Variants in ZBTB5 observed in about 807,000 individuals in gnomAD.
The protein encoded by ZBTB5 is zinc finger and BTB domain-containing protein 5.
ZBTB5 carries 15 observed loss-of-function variants against 37.9 expected under a neutral mutation model. The ratio of observed to expected loss-of-function variants is 0.40; its 90% confidence interval spans 0.26 to 0.61. The LOEUF (loss-of-function observed/expected upper bound fraction) is 0.61, where lower values mean the gene tolerates loss of function less well. Ranked by LOEUF, ZBTB5 falls within the 20% of genes least tolerant of loss-of-function variation. The pLI is 0.47. For missense variants in ZBTB5, 708 were observed against 856.8 expected (o/e 0.83, Z 2.17); for synonymous variants, 315 against 312.4 (o/e 1.01, Z -0.09).
In ZBTB5 at chr9:37,440,626, G is replaced by A. The variant is rs1474865646; in HGVS notation, c.1926C>T (p.Ala642=). 6.2e-7 allele frequency: 1 copy of A among 1,614,250 alleles called. No homozygotes were observed. The highest frequency in any genetic ancestry group is 1.1e-5 in the South Asian group (1 of 91,084). Residue 642 remains alanine, a synonymous_variant, in exon 2 of 2, where the codon GCC becomes GCT. Transcript: ENST00000307750. ...IRVHTGEKPY[A]CLKCGKRFSQ... is the part of the protein sequence containing the mutation. ...TAAACCTCTTGCCACACTTCAGGCAGGCGTAAGGCTTTTCACCTGTGTGAA... is the reference window on the plus strand; with the variant it reads ...TAAACCTCTTGCCACACTTCAGGCAAGCGTAAGGCTTTTCACCTGTGTGAA...
chr9:37,453,529 C>A (rs1302798648), intron 1 of ZBTB5, among the ~76,000 whole-genome samples: 4 of 152,162 alleles, frequency 2.6e-5, no homozygotes, highest in African/African-American at 9.7e-5. Flanking sequence ...AACTTTTTTA[C>A]CATTTCCCCA....
At chr9:37,449,473 A>C (rs1333631397) in intron 1 of ZBTB5, among the ~76,000 whole-genome samples, 1 of 152,098 alleles carries the variant, frequency 6.6e-6, no homozygotes, top group Non-Finnish European at 1.5e-5. Flanking sequence ...CCAGGTGGGC[A>C]GATCACTTGA....
chr9:37,451,900 A>G (rs181788289), intron 1 of ZBTB5, among the ~76,000 whole-genome samples: 1 of 152,126 alleles, frequency 6.6e-6, no homozygotes, highest in Admixed American at 6.5e-5. Flanking sequence ...TCAGAAATGC[A>G]AAAGCCTGAA....
At chr9:37,449,188 C>A (rs895376337) in intron 1 of ZBTB5, among the ~76,000 whole-genome samples, 2 of 152,100 alleles carry the variant, frequency 1.3e-5, no homozygotes, top group African/African-American at 4.8e-5. Context: ...AGTTCAAGAC[C>A]AGCCTGGGCA....
At chr9:37,448,405 AG>A (rs1012695420) in intron 1 of ZBTB5, among the ~76,000 whole-genome samples, 1 of 152,194 alleles carries the variant, frequency 6.6e-6, no homozygotes, top group East Asian at 1.9e-4. Flanking sequence ...CCAAATGTGA[AG>A]GGGGGAAGGG....
chr9:37,455,557 C>G (rs1824171617), intron 1 of ZBTB5, among the ~76,000 whole-genome samples: 1 of 152,324 alleles, frequency 6.6e-6, no homozygotes, highest in African/African-American at 2.4e-5. Context: ...GGCACCCACC[C>G]CTAGATGCCA....
rs766611197 is a variant in ZBTB5 at position 37,442,024 on chromosome 9, G to T, written c.528C>A (p.Arg176=). The T allele has an allele frequency of 3.1e-5, 50 of 1,613,736 alleles. No homozygotes were observed. The highest frequency in any genetic ancestry group is 3.7e-5 in the Non-Finnish European group (44 of 1,180,048). ...EQPAPMSSSM[R]SNLDQRTPFP... is the part of the protein sequence containing the mutation. ...AGGGCGTGCGCTGATCCAGGTTACT[G>T]CGCATGGAAGAGCTCATGGGGGCTG... is the stretch of plus-strand genomic sequence containing the variant. Residue 176 remains arginine (R), a synonymous_variant, in exon 2 of 2, where the codon CGC becomes CGA. Transcript: ENST00000307750.
intron 1 of ZBTB5, among the ~76,000 whole-genome samples, chr9:37,454,420 T>G (rs926033418): frequency 6.6e-6 from 1 of 152,158 alleles, no homozygotes; most frequent in African/African-American, 2.4e-5. Flanking sequence ...TGTGACAATA[T>G]GAGTCAACAT....
chr9:37,451,504 G>C (rs1824102878), intron 1 of ZBTB5, among the ~76,000 whole-genome samples: 1 of 139,800 alleles, frequency 7.2e-6, no homozygotes, highest in Non-Finnish European at 1.5e-5. Context: ...ATTGCACTGA[G>C]CCAAGGTAGT....
At chr9:37,457,701 A>C (rs1170804418) in intron 1 of ZBTB5, among the ~76,000 whole-genome samples, 1 of 152,244 alleles carries the variant, frequency 6.6e-6, no homozygotes, top group Non-Finnish European at 1.5e-5. Context: ...AGAACCTCTC[A>C]ATGGTTTGGA....
In ZBTB5 at chr9:37,441,260, ATAT is replaced by A. The variant is rs780115977; in HGVS notation, c.1289_1291del (p.Asn430del). The A allele has an allele frequency of 2.2e-5, 35 of 1,614,056 alleles. No individual in the cohort carries two copies. The Admixed American group carries it at 5.8e-4, about 27-fold the overall frequency. ...CCTGCAGTCACTAGTGGTGTTTGGA[ATAT>A]TATCATCATTGTTCTGATTTGCAGT... On this transcript the variant is annotated inframe_deletion, in exon 2 of 2. Transcript: ENST00000307750.
chr9:37,464,323 A>G (rs887118511), intron 1 of ZBTB5, among the ~76,000 whole-genome samples: 1 of 152,228 alleles, frequency 6.6e-6, no homozygotes, highest in Non-Finnish European at 1.5e-5. Flanking sequence ...TTTTGCTTCA[A>G]TTTTTGAAGG....
chr9:37,444,645 G>A (rs1823944135), intron 1 of ZBTB5, among the ~76,000 whole-genome samples: 1 of 152,212 alleles, frequency 6.6e-6, no homozygotes, highest in Non-Finnish European at 1.5e-5. Context: ...CTTTGCCACA[G>A]CAGCACTAAA....
rs750685748 is a variant in ZBTB5 at position 37,440,734 on chromosome 9, A to G, written c.1818T>C (p.Val606=). The G allele has an allele frequency of 5.6e-6, 9 of 1,614,238 alleles. No individual in the cohort carries two copies. Among genetic ancestry groups the G allele is most frequent in the Non-Finnish European group, 7.6e-6 (9 of 1,180,048 alleles). The change falls in exon 2 of 2, where the codon GTT becomes GTC. Residue 606 remains valine (V), a synonymous_variant. Coordinates refer to ENST00000307750, the MANE Select transcript of ZBTB5 (RefSeq NM_014872.3). ...KKALSEHNVL[V]VEGARKYACK... ...AGGCATACTTGCGAGCTCCCTCTAC[A>G]ACCAAAACATTGTGCTCTGATAAGG...
At position 37,441,439 on chromosome 9, in the gene ZBTB5, G is replaced by A. The variant is rs750421319; in HGVS notation, c.1113C>T (p.Ser371=). 1 of 1,613,622 alleles carries A rather than the reference G, an allele frequency of 6.2e-7. No homozygotes were observed. Among genetic ancestry groups the A allele is most frequent in the East Asian group, 2.2e-5 (1 of 44,832 alleles). The change falls in exon 2 of 2, where the codon AGC becomes AGT. Residue 371 remains serine, a synonymous_variant. Transcript: ENST00000307750. The stretch of plus-strand genomic sequence containing the variant: ...AAAAACTCCGATCACTGCTTTCAGG[G>A]CTGAGGTCTATCTTCTCGGCACTGA... ...VVVSAEKIDL[S]PESSDRSFSD...
intron 1 of ZBTB5, among the ~76,000 whole-genome samples, chr9:37,450,249 C>T (rs1021147007): frequency 6.6e-6 from 1 of 151,998 alleles, no homozygotes; most frequent in East Asian, 1.9e-4. Context: ...GTGTCTGTGT[C>T]CCAAATTTTC....
rs781023036 is a variant in ZBTB5 at position 37,441,189 on chromosome 9, C to T, written c.1363G>A (p.Ala455Thr). ...PYLLSPEAGP[A>T]GGPSSAPGSH... ...CCAGGGGCAGAGGAGGGCCCACCTG[C>T]AGGCCCAGCCTCTGGACTCAACAAA... is the stretch of plus-strand genomic sequence containing the variant. The change falls in exon 2 of 2, where the codon GCA (alanine) becomes ACA (threonine). Residue 455 changes from alanine (A) to threonine (T), a missense_variant. Physicochemically the swap from Ala to Thr is moderately conservative, Grantham distance 58 (BLOSUM62 0). This residue lies in a region of ZBTB5 where 639 missense variants were observed against 690.5 expected (regional missense o/e 0.93). Coordinates refer to ENST00000307750, the MANE Select transcript of ZBTB5 (RefSeq NM_014872.3). 1 of 1,614,064 alleles carries T rather than the reference C, an allele frequency of 6.2e-7. No homozygotes were observed. Among genetic ancestry groups the T allele is most frequent in the East Asian group, 2.2e-5 (1 of 44,892 alleles).
At chr9:37,459,319 G>GCT (rs1236723498) in intron 1 of ZBTB5, among the ~76,000 whole-genome samples, 1 of 151,998 alleles carries the variant, frequency 6.6e-6, no homozygotes, top group Non-Finnish European at 1.5e-5. Context: ...AATTGGTGGG[G>GCT]CGTGGTGACA....
chr9:37,457,084 T>C (rs1382223908), intron 1 of ZBTB5, among the ~76,000 whole-genome samples: 1 of 152,194 alleles, frequency 6.6e-6, no homozygotes, highest in Non-Finnish European at 1.5e-5. Flanking sequence ...GAAGTTAAGC[T>C]GATAGCTGCA....
Sources: allele counts gnomAD v4.1 joint callset (sites outside exome capture counted in the v4.1 genomes callset), GRCh38; gene constraint gnomAD v4.1.1; regional missense constraint gnomAD v4.1.1; transcripts MANE v1.5; gene names NCBI Gene and HGNC (gene_info 2026-07-23, HGNC 2026-07-21).